Variants in ZSCAN25 observed in about 807,000 individuals in gnomAD.
ZSCAN25 encodes the protein zinc finger and SCAN domain-containing protein 25.
In ZSCAN25, 27 loss-of-function variants were observed where a neutral mutation model predicts 38.7. The observed-to-expected ratio is 0.70, with a 90% CI of 0.51 to 0.96. The LOEUF is 0.96. Ranked by LOEUF, ZSCAN25 falls within the 40% of genes least tolerant of loss-of-function variation. The pLI is 0.00. For missense variants in ZSCAN25, 637 were observed against 705.9 expected (o/e 0.90, Z 1.11); for synonymous variants, 273 against 277.7 (o/e 0.98, Z 0.17).
chr7:99,666,592 C>T, the ZSCAN25 span: 5 of 1,613,186 alleles, frequency 3.1e-6, no homozygotes, highest in Non-Finnish European at 1.7e-6. Context: ...TGGCTGTGCT[C>T]CTACTTACTC....
the ZSCAN25 span, chr7:99,713,514 G>C: frequency 3.7e-6 from 6 of 1,613,434 alleles, no homozygotes; most frequent in Non-Finnish European, 5.1e-6. Flanking sequence ...TCAATCATCA[G>C]CTGAAGGAAA....
the ZSCAN25 span, among the ~76,000 whole-genome samples, chr7:99,728,365 C>T: frequency 6.6e-6 from 1 of 152,184 alleles, no homozygotes; most frequent in Non-Finnish European, 1.5e-5. Flanking sequence ...TTCTTGTTTA[C>T]TTATACCGAA....
At chr7:99,695,488 T>C in the ZSCAN25 span, among the ~76,000 whole-genome samples, 4 of 152,154 alleles carry the variant, frequency 2.6e-5, no homozygotes, top group African/African-American at 9.7e-5. Flanking sequence ...GCTCACAAAG[T>C]CTGCACATCA....
At chr7:99,697,699 G>A in the ZSCAN25 span, among the ~76,000 whole-genome samples, 1 of 152,146 alleles carries the variant, frequency 6.6e-6, no homozygotes, top group Non-Finnish European at 1.5e-5. Flanking sequence ...CTGATAATAT[G>A]TGGTAAAATA....
downstream of ZSCAN25, among the ~76,000 whole-genome samples, chr7:99,635,060 G>A (rs751167540): frequency 5.0e-4 from 76 of 152,190 alleles, no homozygotes; most frequent in Middle Eastern, 3.4e-3. Context: ...TTCTGTAGCA[G>A]GTACTTGCTC....
chr7:99,685,104 T>A, the ZSCAN25 span: 1 of 1,469,422 alleles, frequency 6.8e-7, no homozygotes, highest in Non-Finnish European at 9.5e-7. Flanking sequence ...AGGTCACAGC[T>A]TTTTTGAAGA....
chr7:99,682,811 TA>T, the ZSCAN25 span, among the ~76,000 whole-genome samples: 2 of 152,214 alleles, frequency 1.3e-5, no homozygotes, highest in African/African-American at 4.8e-5. Context: ...ATCAGTGTTT[TA>T]CAATATTAAT....
chr7:99,730,177 G>A, the ZSCAN25 span, among the ~76,000 whole-genome samples: 80 of 152,244 alleles, frequency 5.3e-4, no homozygotes, highest in African/African-American at 1.8e-3. Flanking sequence ...ACAAAGGCTC[G>A]ACCAAAGTCC....
At chr7:99,680,005 G>T in the ZSCAN25 span, 1 of 925,506 alleles carries the variant, frequency 1.1e-6, no homozygotes, top group Non-Finnish European at 1.8e-6. Context: ...GCAGTCTTCA[G>T]CCAAGCTGCT....
At chr7:99,720,575 G>A in the ZSCAN25 span, 54 of 722,576 alleles carry the variant, frequency 7.5e-5, no homozygotes, top group African/African-American at 8.5e-4. Context: ...CACAGCAAGA[G>A]TCTGACACAG....
At chr7:99,688,431 T>A in the ZSCAN25 span, among the ~76,000 whole-genome samples, 1 of 152,108 alleles carries the variant, frequency 6.6e-6, no homozygotes, top group East Asian at 1.9e-4. Flanking sequence ...AAGAAGGCCA[T>A]TACATAAAGG....
the ZSCAN25 span, among the ~76,000 whole-genome samples, chr7:99,727,563 T>A: frequency 6.6e-6 from 1 of 152,178 alleles, no homozygotes; most frequent in Non-Finnish European, 1.5e-5. Flanking sequence ...CCATCTGACA[T>A]TCACTCTATT....
At chr7:99,704,356 T>C in the ZSCAN25 span, among the ~76,000 whole-genome samples, 6 of 152,154 alleles carry the variant, frequency 3.9e-5, no homozygotes, top group African/African-American at 1.4e-4. Context: ...AGTGGCATGA[T>C]CTTGGCTCAC....
the ZSCAN25 span, chr7:99,676,035 A>C: frequency 4.1e-6 from 5 of 1,233,454 alleles, no homozygotes; most frequent in Non-Finnish European, 5.9e-6. Context: ...ACTCCCTCCC[A>C]AGGAGGGGCA....
the ZSCAN25 span, chr7:99,715,938 C>G: frequency 1.9e-6 from 3 of 1,612,890 alleles, no homozygotes; most frequent in African/African-American, 4.0e-5. Flanking sequence ...AAATTAAAAT[C>G]AGCACCTCTT....
At chr7:99,670,351 A>G in the ZSCAN25 span, among the ~76,000 whole-genome samples, 1 of 152,208 alleles carries the variant, frequency 6.6e-6, no homozygotes, top group African/African-American at 2.4e-5. Flanking sequence ...TTCCATATGA[A>G]ACTGAAATTA....
In ZSCAN25 at chr7:99,631,109, G is replaced by A; in HGVS notation, c.*1089G>A. On this transcript the variant is annotated 3_prime_UTR_variant, in exon 8 of 8. Coordinates refer to ENST00000394152, the MANE Select transcript of ZSCAN25 (RefSeq NM_145115.3). ...CTCGTAGAGCTTATGTCTCGTGGAT[G>A]TACCTGATCTTCAGAACCCGTGGAT... The A allele has an allele frequency of 1.0e-6, 1 of 985,446 alleles. No individual in the cohort carries two copies. Among genetic ancestry groups the A allele is most frequent in the Non-Finnish European group, 1.2e-6 (1 of 829,922 alleles). The allele number at this position is 985,446 out of a possible 1,614,324, so 61.0% of individuals were successfully genotyped here.
At chr7:99,716,735 T>G in the ZSCAN25 span, among the ~76,000 whole-genome samples, 1 of 152,174 alleles carries the variant, frequency 6.6e-6, no homozygotes, top group Non-Finnish European at 1.5e-5. Context: ...AGTATTCTAC[T>G]GATACCCTCA....
At chr7:99,736,176 C>A in the ZSCAN25 span, among the ~76,000 whole-genome samples, 99 of 152,266 alleles carry the variant, frequency 6.5e-4, no homozygotes, top group Non-Finnish European at 1.0e-3. Flanking sequence ...AAGAGTGGCC[C>A]CTTCTCTCTG....
Sources: allele counts gnomAD v4.1 joint callset (sites outside exome capture counted in the v4.1 genomes callset), GRCh38; gene constraint gnomAD v4.1.1; transcripts MANE v1.5; gene names NCBI Gene and HGNC (gene_info 2026-07-23, HGNC 2026-07-21).